TRAPPC9: variants seen among roughly 807,000 people sequenced by gnomAD.
TRAPPC9 encodes the protein trafficking protein particle complex subunit 9, also known as IKK2 binding protein.
Under a neutral mutation model 124.0 loss-of-function variants are expected in TRAPPC9, and 83 were observed. The ratio of observed to expected loss-of-function variants is 0.67; its 90% CI spans 0.56 to 0.80. TRAPPC9 has a LOEUF of 0.80. TRAPPC9 is among the 30% of genes least tolerant of loss of function. The probability of loss-of-function intolerance (pLI) is 0.00; values close to 1 mark genes in which losing one functional copy is unlikely to be tolerated. For missense variants in TRAPPC9, 1,302 were observed against 1,508.3 expected, an observed-to-expected ratio of 0.86 and a Z score of 2.27; for synonymous variants, 638 against 617.5, an observed-to-expected ratio of 1.03 and a Z score of -0.49.
At chr8:140,450,007 A>G (rs1245150298) in intron 2 of TRAPPC9, among the ~76,000 whole-genome samples, 2 of 152,254 alleles carry the variant, frequency 1.3e-5, no homozygotes, top group Non-Finnish European at 2.9e-5. Flanking sequence ...AATATAGTTT[A>G]TTTAACCTAA....
At chr8:139,901,020 A>AAAAT (rs1563907204) in intron 20 of TRAPPC9, among the ~76,000 whole-genome samples, 6 of 150,988 alleles carry the variant, frequency 4.0e-5, no homozygotes, top group East Asian at 3.9e-4. Context: ...TAAATAAATA[A>AAAAT]AAATAAAATA....
At chr8:139,893,099 C>T (rs558983846) in intron 20 of TRAPPC9, among the ~76,000 whole-genome samples, 214 of 152,280 alleles carry the variant, frequency 1.4e-3, no homozygotes, top group South Asian at 5.8e-3. Flanking sequence ...GATTTACAAA[C>T]CAAGACGTGC....
intron 3 of TRAPPC9, 129 bp downstream of exon 3, chr8:140,438,923 C>T (rs1268144856): frequency 9.1e-7 from 1 of 1,101,056 alleles, no homozygotes; most frequent in African/African-American, 1.5e-5. Flanking sequence ...ATCTCTTGAC[C>T]TCATATTTGG....
At chr8:139,929,055 A>G (rs969868754) in intron 19 of TRAPPC9, among the ~76,000 whole-genome samples, 4 of 152,164 alleles carry the variant, frequency 2.6e-5, no homozygotes, top group African/African-American at 9.7e-5. Context: ...CATCTTGTGG[A>G]AAATCTATGA....
At chr8:139,964,294 T>C (rs1246806256) in intron 19 of TRAPPC9, among the ~76,000 whole-genome samples, 1 of 150,476 alleles carries the variant, frequency 6.6e-6, no homozygotes, top group African/African-American at 2.5e-5. Context: ...GCAGAGATGA[T>C]GTCTGGGAGA....
intron 15 of TRAPPC9, among the ~76,000 whole-genome samples, chr8:140,267,975 C>T (rs1588050172): frequency 1.3e-5 from 2 of 152,026 alleles, no homozygotes; most frequent in Non-Finnish European, 2.9e-5. Flanking sequence ...TGAGTAAAAG[C>T]TATTCGTAGT....
chr8:140,138,371 G>A (rs2061336275), intron 17 of TRAPPC9, among the ~76,000 whole-genome samples: 1 of 152,114 alleles, frequency 6.6e-6, no homozygotes, highest in Non-Finnish European at 1.5e-5. Context: ...TATGTGTTAG[G>A]CACTGTGTGT....
intron 9 of TRAPPC9, among the ~76,000 whole-genome samples, chr8:140,349,494 G>C (rs1321829837): frequency 6.6e-6 from 1 of 151,340 alleles, no homozygotes; most frequent in Non-Finnish European, 1.5e-5. Context: ...GAAGGCAGAC[G>C]ACCCTGGCAG....
At chr8:140,260,547 C>A (rs999536674) in intron 15 of TRAPPC9, among the ~76,000 whole-genome samples, 4 of 152,168 alleles carry the variant, frequency 2.6e-5, no homozygotes, top group Admixed American at 2.6e-4. Context: ...ACCACTAGTG[C>A]AAACTAATTA....
intron 21 of TRAPPC9, among the ~76,000 whole-genome samples, chr8:139,830,958 C>T (rs1020270260): frequency 1.3e-5 from 2 of 152,252 alleles, no homozygotes; most frequent in African/African-American, 2.4e-5. Context: ...TCGCTGGCCG[C>T]GCTGACTGAC....
At chr8:140,159,833 G>C (rs2061714453) in intron 17 of TRAPPC9, among the ~76,000 whole-genome samples, 1 of 152,198 alleles carries the variant, frequency 6.6e-6, no homozygotes, top group Non-Finnish European at 1.5e-5. Context: ...GCCTGCCACC[G>C]CATCGACCAC....
intron 21 of TRAPPC9, among the ~76,000 whole-genome samples, chr8:139,855,556 C>T (rs902480880): frequency 1.4e-4 from 21 of 152,204 alleles, no homozygotes; most frequent in African/African-American, 4.6e-4. Flanking sequence ...ATCTCGGCTC[C>T]GCTCCTGACC....
At chr8:140,443,807 C>T (rs907769237) in intron 2 of TRAPPC9, among the ~76,000 whole-genome samples, 13 of 151,730 alleles carry the variant, frequency 8.6e-5, no homozygotes, top group Non-Finnish European at 1.8e-4. Context: ...GAGGCCGAGG[C>T]GGGCAGATCA....
intron 19 of TRAPPC9, among the ~76,000 whole-genome samples, chr8:139,965,307 T>C (rs541629535): frequency 6.6e-6 from 1 of 152,338 alleles, no homozygotes; most frequent in African/African-American, 2.4e-5. Flanking sequence ...CTTGCAATGT[T>C]GGGAGATTCT....
Position 139,729,500 on chromosome 8 carries a change from C to T in TRAPPC9, c.*1561G>A, listed in dbSNP as rs867637606. Among the ~76,000 whole-genome samples, 4 of 152,168 alleles carry T rather than the reference C, an allele frequency of 2.6e-5. No homozygotes were observed. Among genetic ancestry groups the T allele is most frequent in the Non-Finnish European group, 4.4e-5 (3 of 68,022 alleles). Reference sequence around the variant, plus strand: ...TGGGGCTGCCTTCCCTGGGGAGCCTCGAGCAGATGCTGAATGAGCTCCAGG... The same window carrying T: ...TGGGGCTGCCTTCCCTGGGGAGCCTTGAGCAGATGCTGAATGAGCTCCAGG... On this transcript the variant is annotated 3_prime_UTR_variant, in exon 23 of 23. Coordinates refer to ENST00000438773, the MANE Select transcript of TRAPPC9 (RefSeq NM_001160372.4).
At chr8:139,985,567 C>A (rs1035415818) in intron 19 of TRAPPC9, among the ~76,000 whole-genome samples, 1 of 152,112 alleles carries the variant, frequency 6.6e-6, no homozygotes, top group Non-Finnish European at 1.5e-5. Flanking sequence ...CACGCGCATA[C>A]CCACACCCAA....
intron 18 of TRAPPC9, among the ~76,000 whole-genome samples, chr8:139,996,158 C>CAAAAAAAAAAAAAAAAAAAAAAAGAAAG (rs1837966114): frequency 5.1e-5 from 1 of 19,424 alleles, no homozygotes; most frequent in African/African-American, 2.1e-4. Context: ...AAAACTTAAG[C>CAAAAAAAAAAAAAAAAAAAAAAAGAAAG]AAAAAAAAAA....
intron 19 of TRAPPC9, among the ~76,000 whole-genome samples, chr8:139,969,968 G>C (rs1315011861): frequency 6.6e-6 from 1 of 152,212 alleles, no homozygotes; most frequent in African/African-American, 2.4e-5. Context: ...CAAGTTTCCA[G>C]CCAGTTTTCC....
In TRAPPC9 at chr8:140,376,417, G is replaced by A. The variant is rs558309635; in HGVS notation, c.1135-5237C>T. ...TAAAAATACAAAAAATTAGCCAGGC[G>A]TGGTGGCAGGCACCTGTAGTCCCAG... On this transcript the variant is annotated intron_variant, in intron 7 of 22. Transcript: ENST00000438773. Among the ~76,000 whole-genome samples the A allele has an allele frequency of 6.6e-5, 10 of 151,902 alleles. No homozygotes were observed. In the East Asian group the frequency reaches 7.8e-4, roughly 12 times the overall value.
Sources: gnomAD v4.1 joint callset for allele counts (sites outside exome capture counted in the v4.1 genomes callset) on GRCh38, gnomAD v4.1.1 for gene constraint, MANE v1.5 for transcripts, NCBI Gene and HGNC (gene_info 2026-07-23, HGNC 2026-07-21) for gene names.